Variants in IL1RAPL2 observed in about 807,000 individuals in gnomAD.
IL1RAPL2 encodes X-linked interleukin-1 receptor accessory protein-like 2.
A neutral mutation model predicts 44.1 loss-of-function variants in IL1RAPL2; 3 were observed. The observed-to-expected ratio is 0.07, with a 90% CI of 0.03 to 0.18. IL1RAPL2 has a LOEUF of 0.18. Among genes scored for constraint, IL1RAPL2 ranks in the 10% least tolerant of loss-of-function variants. The pLI is 1.00. For synonymous variants in IL1RAPL2, 181 were observed against 178.8 expected (o/e 1.01, Z -0.10); for missense variants, 391 against 496.4 (o/e 0.79, Z 2.02).
At chrX:105,212,663 C>T (rs1261611143) in intron 3 of IL1RAPL2, among the ~76,000 whole-genome samples, 1 of 112,116 alleles carries the variant, frequency 8.9e-6, no homozygotes, top group Non-Finnish European at 1.9e-5. Flanking sequence ...GGGTCCCGGA[C>T]CCCCATGCCT....
At chrX:105,608,752 GC>G (rs1010491705) in intron 6 of IL1RAPL2, among the ~76,000 whole-genome samples, 1 of 111,793 alleles carries the variant, frequency 8.9e-6, no homozygotes, top group Non-Finnish European at 1.9e-5. Context: ...GAATTGCATG[GC>G]TAACCTAATT....
chrX:105,614,960 A>C (rs1000127136), intron 6 of IL1RAPL2, among the ~76,000 whole-genome samples: 1 of 111,828 alleles, frequency 8.9e-6, no homozygotes, highest in Non-Finnish European at 1.9e-5. Context: ...ATAATATATA[A>C]GGAGCCCAAA....
chrX:105,647,758 A>G (rs967431630), intron 6 of IL1RAPL2, among the ~76,000 whole-genome samples: 9 of 112,273 alleles, frequency 8.0e-5, no homozygotes, highest in African/African-American at 2.6e-4. Context: ...TTTCTCCTCA[A>G]TAGTCACAAC....
chrX:105,151,932 T>C (rs1160658426), intron 2 of IL1RAPL2, among the ~76,000 whole-genome samples: 2 of 111,486 alleles, frequency 1.8e-5, no homozygotes, highest in African/African-American at 6.5e-5. Flanking sequence ...TTCACTCATA[T>C]GTCTGAACTA....
At chrX:105,027,206 A>C (rs771534273) in intron 2 of IL1RAPL2, among the ~76,000 whole-genome samples, 1 of 111,660 alleles carries the variant, frequency 9.0e-6, no homozygotes, top group African/African-American at 3.2e-5. Flanking sequence ...TAAGACCACA[A>C]ACTATGAAAC....
chrX:105,557,733 G>C (rs1185000142), intron 6 of IL1RAPL2, among the ~76,000 whole-genome samples: 2 of 111,191 alleles, frequency 1.8e-5, no homozygotes, highest in Non-Finnish European at 3.8e-5. Context: ...CTGAGTAAGA[G>C]GGAGAGTCGC....
chrX:104,975,963 T>C (rs1019610052), intron 2 of IL1RAPL2, among the ~76,000 whole-genome samples: 3 of 111,151 alleles, frequency 2.7e-5, no homozygotes, highest in African/African-American at 9.8e-5. Flanking sequence ...CTTAGGCATA[T>C]AGCTTTCTGG....
chrX:105,693,454 G>T (rs1235025115), intron 6 of IL1RAPL2, among the ~76,000 whole-genome samples: 1 of 111,485 alleles, frequency 9.0e-6, no homozygotes, highest in African/African-American at 3.3e-5. Context: ...CTTCTCTCTT[G>T]CTCCTTCTCT....
intron 5 of IL1RAPL2, among the ~76,000 whole-genome samples, chrX:105,352,355 G>A (rs1036621492): frequency 9.8e-5 from 11 of 111,952 alleles, no homozygotes; most frequent in African/African-American, 3.6e-4. Context: ...ACTTATACTG[G>A]GAATGCTGTA....
chrX:105,741,308 T>TA (rs1485128817), intron 8 of IL1RAPL2, among the ~76,000 whole-genome samples: 1 of 111,553 alleles, frequency 9.0e-6, no homozygotes, highest in Non-Finnish European at 1.9e-5. Context: ...ATAAAGGAGA[T>TA]AAAAAACAGA....
At chrX:105,177,574 C>G (rs1030922173) in intron 2 of IL1RAPL2, among the ~76,000 whole-genome samples, 2 of 109,878 alleles carry the variant, frequency 1.8e-5, no homozygotes, top group Non-Finnish European at 3.8e-5. Context: ...GCATGGGGCA[C>G]AGCCATTGCA....
chrX:105,039,700 G>C (rs779582175), intron 2 of IL1RAPL2, among the ~76,000 whole-genome samples: 49 of 111,755 alleles, frequency 4.4e-4, no homozygotes, highest in Non-Finnish European at 7.7e-4. Context: ...CGGTGTATAA[G>C]AATGCTTGTG....
intron 5 of IL1RAPL2, among the ~76,000 whole-genome samples, chrX:105,358,398 G>T (rs1252425677): frequency 2.8e-5 from 3 of 106,954 alleles, no homozygotes; most frequent in African/African-American, 1.0e-4. Context: ...GCTGCTAACT[G>T]GGCACAGTGG....
At position 105,256,124 on chromosome X, in the gene IL1RAPL2, C is replaced by A. The variant is rs188134847; in HGVS notation, c.544-11264C>A. ...CAGCCTGAAGTTTGTTGTTGTGTCT[C>A]TGTCAGGTTTTATTATTAGAACAAT... On this transcript the variant is annotated intron_variant, in intron 4 of 10. Coordinates refer to ENST00000372582, the MANE Select transcript of IL1RAPL2 (RefSeq NM_017416.2). Among the ~76,000 whole-genome samples the A allele has an allele frequency of 2.3e-3, 257 of 110,834 alleles. 1 individual carries two copies. The highest frequency in any genetic ancestry group is 1.9e-3 in the Non-Finnish European group (103 of 52,896).
At chrX:104,901,769 T>C (rs908221697) in intron 2 of IL1RAPL2, among the ~76,000 whole-genome samples, 1 of 111,768 alleles carries the variant, frequency 8.9e-6, no homozygotes, top group Non-Finnish European at 1.9e-5. Flanking sequence ...TAAACCTCTA[T>C]GCACCTCAGT....
chrX:104,733,619 A>AAATAATAATAATAATAATAAT (rs3081204), intron 2 of IL1RAPL2, among the ~76,000 whole-genome samples: 4 of 98,849 alleles, frequency 4.0e-5, no homozygotes, highest in African/African-American at 1.1e-4. Context: ...CTCTGTCTCA[A>AAATAATAATAATAATAATAAT]AATAATAATA....
intron 1 of IL1RAPL2, among the ~76,000 whole-genome samples, chrX:104,572,870 G>A (rs148270603): frequency 0.011 from 1,277 of 112,139 alleles, 21 homozygotes; most frequent in African/African-American, 0.039. Flanking sequence ...CCAAAGTGCC[G>A]CGGTTACAGG....
intron 6 of IL1RAPL2, among the ~76,000 whole-genome samples, chrX:105,589,139 G>C (rs1038456146): frequency 8.9e-6 from 1 of 112,077 alleles, no homozygotes; most frequent in African/African-American, 3.2e-5. Context: ...AATTATTAGT[G>C]ATGTTGAGCA....
intron 5 of IL1RAPL2, among the ~76,000 whole-genome samples, chrX:105,459,575 G>T (rs1169487223): frequency 9.0e-6 from 1 of 111,021 alleles, no homozygotes; most frequent in African/African-American, 3.3e-5. Flanking sequence ...TTAAGCATGT[G>T]AGCAAGACAC....
Sources: gnomAD v4.1 joint callset for allele counts (sites outside exome capture counted in the v4.1 genomes callset) on GRCh38, gnomAD v4.1.1 for gene constraint, MANE v1.5 for transcripts, NCBI Gene and HGNC (gene_info 2026-07-23, HGNC 2026-07-21) for gene names.